Variants in HK1 observed in about 807,000 individuals in gnomAD.
HK1 encodes hexokinase-1.
In HK1, 28 loss-of-function variants were observed where a neutral mutation model predicts 91.6. The ratio of observed to expected loss-of-function variants is 0.31; its 90% confidence interval spans 0.23 to 0.42. HK1 has a LOEUF of 0.42. HK1 is among the 10% of genes least tolerant of loss of function. The pLI, the probability that HK1 is intolerant of heterozygous loss-of-function variation, is 1.00. For missense variants in HK1, 770 were observed against 1,219.8 expected, an observed-to-expected ratio of 0.63 and a Z score of 5.49; for synonymous variants, 430 against 468.1, an observed-to-expected ratio of 0.92 and a Z score of 1.05.
chr10:69,382,729 C>A lies in HK1; in HGVS notation c.1508C>A (p.Thr503Lys). 6.2e-7 allele frequency: 1 copy of A among 1,613,426 alleles called. No individual in the cohort carries two copies. Among genetic ancestry groups the A allele is most frequent in the Middle Eastern group, 1.7e-4 (1 of 6,056 alleles). Reference sequence around the variant, plus strand: ...ATGGAGCTGGGGCTGAGGAAGCAGACGCACAACAATGCCGTGGTTAAGATG... The same window carrying A: ...ATGGAGCTGGGGCTGAGGAAGCAGAAGCACAACAATGCCGTGGTTAAGATG... Reference protein sequence around the residue: ...AEMELGLRKQTHNNAVVKMLP... With the variant: ...AEMELGLRKQKHNNAVVKMLP... Residue 503 changes from threonine (T) to lysine (K), a missense_variant, in exon 10 of 18, where the codon ACG becomes AAG. Coordinates refer to ENST00000359426, the MANE Select transcript of HK1 (RefSeq NM_000188.3).
At chr10:69,379,649 G>A (rs141637055) in intron 8 of HK1, among the ~76,000 whole-genome samples, 1 of 152,120 alleles carries the variant, frequency 6.6e-6, no homozygotes, top group Admixed American at 6.5e-5. Flanking sequence ...AGTGCAACCT[G>A]GTACAGTTTT....
intron 1 of HK1, among the ~76,000 whole-genome samples, chr10:69,271,252 G>A (rs1332570752): frequency 6.6e-6 from 1 of 152,100 alleles, no homozygotes; most frequent in African/African-American, 2.4e-5. Context: ...GTGTGTGCAT[G>A]TACCATGTAC....
chr10:69,284,565 G>A (rs2132440260), intron 2 of HK1, among the ~76,000 whole-genome samples: 1 of 152,266 alleles, frequency 6.6e-6, no homozygotes, highest in Middle Eastern at 3.4e-3. Context: ...TGTAATCCCA[G>A]CACTTCGGGA....
chr10:69,351,995 AT>A lies in HK1; in HGVS notation c.227-7887del, dbSNP rs201899030. Among the ~76,000 whole-genome samples, 271 of 145,652 alleles carry A rather than the reference AT, an allele frequency of 1.9e-3. 2 individuals are homozygous for A. Among genetic ancestry groups the A allele is most frequent in the African/African-American group, 2.2e-3 (87 of 40,150 alleles). Reference sequence around the variant, plus strand: ...GAATTCAATTTTTTCAGTTATTTCAATTTTTTTTTTTTTTTGAGACAGAGTC... The same window carrying A: ...GAATTCAATTTTTTCAGTTATTTCAATTTTTTTTTTTTTTGAGACAGAGTC... On this transcript the variant is annotated intron_variant, in intron 2 of 17. Transcript: ENST00000359426.
intron 1 of HK1, among the ~76,000 whole-genome samples, chr10:69,274,726 C>T (rs186528082): frequency 6.6e-6 from 1 of 152,078 alleles, no homozygotes; most frequent in African/African-American, 2.4e-5. Flanking sequence ...TTCAATCTAG[C>T]CTTCTTTACT....
chr10:69,338,611 C>G, intron 1 of HK1: 2 of 1,288,942 alleles, frequency 1.6e-6, no homozygotes, highest in Non-Finnish European at 2.0e-6. Flanking sequence ...TGATGTTTGG[C>G]TGGAGCAGTA....
chr10:69,283,771 C>T (rs2132437353), intron 2 of HK1, among the ~76,000 whole-genome samples: 1 of 128,458 alleles, frequency 7.8e-6, no homozygotes, highest in Non-Finnish European at 1.6e-5. Flanking sequence ...TGCATTCCAG[C>T]CTGGGTGACA....
chr10:69,386,775 T>C (rs935532679), intron 13 of HK1: 3 of 164,712 alleles, frequency 1.8e-5, no homozygotes, highest in African/African-American at 7.2e-5. Context: ...CAAGACTCCA[T>C]CTCTAAATAA....
chr10:69,356,062 T>C (rs1480480325), intron 2 of HK1, among the ~76,000 whole-genome samples: 1 of 152,216 alleles, frequency 6.6e-6, no homozygotes, highest in African/African-American at 2.4e-5. Context: ...CTTTGTGACC[T>C]TGGATTTGGC....
At chr10:69,397,276 G>A (rs773097120) in intron 16 of HK1, among the ~76,000 whole-genome samples, 4 of 147,390 alleles carry the variant, frequency 2.7e-5, no homozygotes, top group African/African-American at 7.3e-5. Flanking sequence ...CCAGCAGCCC[G>A]TGAAAGTTCT....
At chr10:69,390,550 G>A (rs1287513941) in intron 14 of HK1, among the ~76,000 whole-genome samples, 1 of 152,180 alleles carries the variant, frequency 6.6e-6, no homozygotes. Context: ...TGGGTGAAAA[G>A]GGGGCTGAGA....
In HK1 at chr10:69,401,116, G is replaced by A. The variant is rs750498514; in HGVS notation, c.2735G>A (p.Arg912His). The A allele has an allele frequency of 3.7e-6, 6 of 1,613,890 alleles. No individual in the cohort carries two copies. Among genetic ancestry groups the A allele is most frequent in the South Asian group, 2.2e-5 (2 of 91,084 alleles). Residue 912 changes from arginine to histidine, a missense_variant, in exon 18 of 18, where the codon CGC becomes CAC. By Grantham distance (29) the Arg-to-His change is conservative. This residue lies in a region of HK1 where 15 missense variants were observed against 21.7 expected (regional missense o/e 0.69). Coordinates refer to ENST00000359426, the MANE Select transcript of HK1 (RefSeq NM_000188.3). ...ALITAVGVRL[R>H]TEASS The stretch of plus-strand genomic sequence containing the variant: ...ATCACGGCCGTGGGCGTGCGGTTAC[G>A]CACAGAGGCAAGCAGCTAAGAGTCC...
At chr10:69,363,654 C>G (rs1197905896) in intron 3 of HK1, among the ~76,000 whole-genome samples, 2 of 152,160 alleles carry the variant, frequency 1.3e-5, no homozygotes, top group Non-Finnish European at 1.5e-5. Context: ...ATTGGGATTA[C>G]AGACGTGAGC....
intron 5 of HK1, among the ~76,000 whole-genome samples, chr10:69,307,881 C>T (rs1031551328): frequency 6.6e-5 from 10 of 152,056 alleles, no homozygotes; most frequent in Admixed American, 3.9e-4. Context: ...CTCTGTCAGC[C>T]AGGCTGGAGT....
In HK1 at chr10:69,292,502, A is replaced by C. The variant is rs547063704; in HGVS notation, c.-114-3131A>C. Among the ~76,000 whole-genome samples the C allele has an allele frequency of 2.4e-4, 37 of 152,268 alleles. 1 individual carries two copies. In the South Asian group the frequency reaches 7.3e-3, roughly 30 times the overall value. ...CCTGCATGTCCATGGGCTGCTATGC[A>C]AGCTTCCAGGAACTTCAGTCTCCTT... is the stretch of plus-strand genomic sequence containing the variant. On this transcript the variant is annotated intron_variant, in intron 3 of 21. Transcript: ENST00000360289.
intron 12 of HK1, among the ~76,000 whole-genome samples, chr10:69,385,342 A>G (rs1205414124): frequency 1.3e-5 from 2 of 152,208 alleles, no homozygotes; most frequent in Admixed American, 1.3e-4. Flanking sequence ...TGTTCAATAT[A>G]TGAGATGAAT....
intron 8 of HK1, among the ~76,000 whole-genome samples, chr10:69,378,111 TC>T (rs1471988067): frequency 6.6e-6 from 1 of 152,158 alleles, no homozygotes; most frequent in African/African-American, 2.4e-5. Flanking sequence ...TTTCCAGCTG[TC>T]CCTTTTCATG....
rs184325167 is a variant in HK1, at chr10:69,288,545, C to T, written c.-214-126C>T. On this transcript the variant is annotated intron_variant, in intron 2 of 21. Transcript: ENST00000360289. ...CATTTTACCTGGGTTTACGAATACT[C>T]TAGAAATGTGTCTGCACTATGTCTT... The T allele has an allele frequency of 7.8e-5, 52 of 666,678 alleles. No homozygotes were observed. The East Asian group carries it at 1.4e-3, about 18-fold the overall frequency. 41.3% of individuals were successfully genotyped at this position (666,678 alleles called of 1,614,324 possible).
At chr10:69,393,476 T>C (rs1357138977) in intron 15 of HK1, among the ~76,000 whole-genome samples, 1 of 152,142 alleles carries the variant, frequency 6.6e-6, no homozygotes, top group East Asian at 1.9e-4. Flanking sequence ...TTTGTATTTT[T>C]GGTAGAGACC....
Sources: gnomAD v4.1 joint callset for allele counts (sites outside exome capture counted in the v4.1 genomes callset) on GRCh38, gnomAD v4.1.1 for gene constraint, gnomAD v4.1.1 regional missense constraint, MANE v1.5 for transcripts, NCBI Gene and HGNC (gene_info 2026-07-23, HGNC 2026-07-21) for gene names.